Variants in PCDHGA11 observed in about 807,000 individuals in gnomAD.
PCDHGA11 encodes protocadherin gamma subfamily A, 11.
A neutral mutation model predicts 60.4 loss-of-function variants in PCDHGA11; 39 were observed. The observed-to-expected ratio is 0.65, with a 90% confidence interval of 0.50 to 0.84. The LOEUF (loss-of-function observed/expected upper bound fraction) is 0.84. PCDHGA11 is among the 40% of genes least tolerant of loss of function. The pLI is 0.00. For missense variants in PCDHGA11, 1,165 were observed against 1,197.7 expected, an observed-to-expected ratio of 0.97 and a Z score of 0.40; for synonymous variants, 533 against 510.3, an observed-to-expected ratio of 1.04 and a Z score of -0.60.
At chr5:141,458,081 G>A (rs765008628) in intron 1 of PCDHGA11, among the ~76,000 whole-genome samples, 62 of 152,186 alleles carry the variant, frequency 4.1e-4, no homozygotes, top group East Asian at 1.9e-4. Flanking sequence ...CTATATTGCC[G>A]TAAGTTAAGA....
rs2233607 is a variant in PCDHGA11 at position 141,490,647 on chromosome 5, G to A, written c.2434-4160G>A. The A allele has an allele frequency of 2.5e-3, 3,973 of 1,614,082 alleles. 41 individuals carry two copies. The African/African-American group carries it at 0.027, about 11-fold the overall frequency. ...CTTACATCCTAGAAAACCGGCCTCC[G>A]GGCTCCCTTCTTTGCACTGTGGCTG... is the stretch of plus-strand genomic sequence containing the variant. On this transcript the variant is annotated intron_variant, in intron 1 of 3. Transcript: ENST00000398587. The surrounding 1 kb of genome is among the most constrained non-coding windows in gnomAD (Gnocchi z 5.4).
intron 1 of PCDHGA11, chr5:141,424,789 A>T (rs538504226): frequency 2.0e-5 from 3 of 152,238 alleles, no homozygotes; most frequent in African/African-American, 7.2e-5. Flanking sequence ...CAGTTCTTTT[A>T]TTCAGACCAA....
chr5:141,451,676 G>C (rs1363843426), intron 1 of PCDHGA11, among the ~76,000 whole-genome samples: 1 of 152,142 alleles, frequency 6.6e-6, no homozygotes, highest in African/African-American at 2.4e-5. Context: ...GAGCCCAGGA[G>C]TTCAAGACCA....
In PCDHGA11 at chr5:141,491,552, G is replaced by A. The variant is rs769927075; in HGVS notation, c.2434-3255G>A. 1 of 1,614,008 alleles carries A rather than the reference G, an allele frequency of 6.2e-7. No individual in the cohort carries two copies. The highest frequency in any genetic ancestry group is 1.7e-5 in the Admixed American group (1 of 60,024). On this transcript the variant is annotated intron_variant, in intron 1 of 3. Coordinates refer to ENST00000398587, the MANE Select transcript of PCDHGA11 (RefSeq NM_018914.3). This position sits in a 1 kb window ranked among gnomAD's most constrained non-coding sequence, Gnocchi z 6.9. Reference sequence around the variant, plus strand: ...ACGCTGCGGCCCACAGACTCGCAGAGCCACTGCTACAGGACGTGCTTTTCA... The same window carrying A: ...ACGCTGCGGCCCACAGACTCGCAGAACCACTGCTACAGGACGTGCTTTTCA...
rs1000330093 is a variant in PCDHGA11 at position 141,511,812 on chromosome 5, C to T, written c.*639C>T. 2.5e-5 allele frequency: 4 copies of T among 157,260 alleles called. No individual in the cohort carries two copies. Among genetic ancestry groups the T allele is most frequent in the African/African-American group, 9.6e-5 (4 of 41,492 alleles). The allele number at this position is 157,260 out of a possible 1,614,324, so 9.7% of individuals were successfully genotyped here. The stretch of plus-strand genomic sequence containing the variant: ...TAGGGAGGGCATTTTGCTACCAAGC[C>T]TCTTCCCAACGCCCTGGGGACCAGT... On this transcript the variant is annotated 3_prime_UTR_variant, in exon 4 of 4. Transcript: ENST00000398587.
In PCDHGA11 at chr5:141,511,251, A is replaced by T. The variant is rs780892899; in HGVS notation, c.*78A>T. 2.0e-5 allele frequency: 32 copies of T among 1,571,672 alleles called. No homozygotes were observed. Among genetic ancestry groups the T allele is most frequent in the Non-Finnish European group, 2.6e-5 (30 of 1,158,828 alleles). ...TTCTCCTTACCTGCACCCAGGCCTC[A>T]GAGTTTCAGGGCTAACCCCCAGAAT... On this transcript the variant is annotated 3_prime_UTR_variant, in exon 4 of 4. Transcript: ENST00000398587.
Position 141,511,066 on chromosome 5 carries a change from C to T in PCDHGA11, c.2701C>T (p.Pro901Ser). Residue 901 changes from proline to serine, a missense_variant, in exon 4 of 4, where the codon CCA (proline) becomes TCA (serine). Physicochemically the swap from Pro to Ser is moderately conservative, Grantham distance 74. Transcript: ENST00000398587. The part of the protein sequence containing the change: ...VPDYRQNVYI[P>S]GSNATLTNAA... ...CGACTACCGCCAGAATGTCTACATC[C>T]CAGGCAGCAATGCCACACTGACCAA... 1.2e-6 allele frequency: 2 copies of T among 1,614,230 alleles called. No individual in the cohort carries two copies. Among genetic ancestry groups the T allele is most frequent in the Non-Finnish European group, 1.7e-6 (2 of 1,180,036 alleles).
At position 141,485,892 on chromosome 5, in the gene PCDHGA11, C is replaced by T; in HGVS notation, c.2434-8915C>T. On this transcript the variant is annotated intron_variant, in intron 1 of 3. Coordinates refer to ENST00000398587, the MANE Select transcript of PCDHGA11 (RefSeq NM_018914.3). The surrounding 1 kb of genome is among the most constrained non-coding windows in gnomAD (Gnocchi z 5.7). ...GTGCTGGACGTAAACGACAACGCCC[C>T]AGCCTTCCAGCAATCCAGCTACAGG... is the stretch of plus-strand genomic sequence containing the variant. 6.2e-7 allele frequency: 1 copy of T among 1,614,194 alleles called. No individual in the cohort carries two copies.
At chr5:141,503,089 G>C (rs1352372525) in intron 2 of PCDHGA11, among the ~76,000 whole-genome samples, 2 of 151,590 alleles carry the variant, frequency 1.3e-5, no homozygotes, top group Non-Finnish European at 2.9e-5. Context: ...TCCTGACCTC[G>C]TGGTCTGCCC....
chr5:141,459,028 C>T (rs373532898), intron 1 of PCDHGA11, among the ~76,000 whole-genome samples: 1 of 152,202 alleles, frequency 6.6e-6, no homozygotes, highest in Non-Finnish European at 1.5e-5. Context: ...CCACCACATC[C>T]AGCCTTACCA....
At chr5:141,433,207 TC>T (rs780557883) in intron 1 of PCDHGA11, 10 of 1,568,868 alleles carry the variant, frequency 6.4e-6, no homozygotes, top group African/African-American at 1.4e-5. Flanking sequence ...AAATCTTCTT[TC>T]TTTTTTTTTT....
chr5:141,435,934 T>A (rs1311888999), intron 1 of PCDHGA11, among the ~76,000 whole-genome samples: 2 of 152,160 alleles, frequency 1.3e-5, no homozygotes, highest in Non-Finnish European at 2.9e-5. Flanking sequence ...CAGTTGCTGC[T>A]TCTGAGACCA....
chr5:141,494,468 C>G (rs2099754577), intron 1 of PCDHGA11, among the ~76,000 whole-genome samples: 1 of 152,136 alleles, frequency 6.6e-6, no homozygotes, highest in East Asian at 1.9e-4. Context: ...TGCACCTCTT[C>G]CCCCAGTTCC....
intron 1 of PCDHGA11, among the ~76,000 whole-genome samples, chr5:141,449,134 T>C (rs538592980): frequency 9.2e-4 from 140 of 152,242 alleles, no homozygotes; most frequent in Non-Finnish European, 1.8e-3. Context: ...AGAAATGGAA[T>C]TGAAATTGCT....
rs1317717658 is a variant in PCDHGA11, at chr5:141,476,494, G to A, written c.2434-18313G>A. On this transcript the variant is annotated intron_variant, in intron 1 of 3. Coordinates refer to ENST00000398587, the MANE Select transcript of PCDHGA11 (RefSeq NM_018914.3). The surrounding 1 kb of genome is among the most constrained non-coding windows in gnomAD (Gnocchi z 7.6). ...TGTTCAGCGTGGAAGTGGTGATCCA[G>A]GACATCAACGACAACAATCCTGCTT... The A allele has an allele frequency of 6.2e-7, 1 of 1,614,012 alleles. No individual in the cohort carries two copies. The highest frequency in any genetic ancestry group is 8.5e-7 in the Non-Finnish European group (1 of 1,179,988).
chr5:141,432,797 T>C lies in PCDHGA11; in HGVS notation c.2433+9137T>C, dbSNP rs1591218426. On this transcript the variant is annotated intron_variant, in intron 1 of 3. Coordinates refer to ENST00000398587, the MANE Select transcript of PCDHGA11 (RefSeq NM_018914.3). The surrounding 1 kb of genome is among the most constrained non-coding windows in gnomAD (Gnocchi z 6.0). The stretch of plus-strand genomic sequence containing the variant: ...CCTGGCGGACCTCGGCAGCCTCGAG[T>C]CTCCAGCTAACTCTGAAACCTCAGA... 2.5e-6 allele frequency: 4 copies of C among 1,613,752 alleles called. No individual in the cohort carries two copies. The highest frequency in any genetic ancestry group is 2.7e-5 in the African/African-American group (2 of 74,816).
Position 141,491,262 on chromosome 5 carries a change from G to A in PCDHGA11, c.2434-3545G>A. ...TGGAGGATGAGGACCCTGAGGAAATGCCCAAATCCAGTGACTTCCTCATAC... is the reference window on the plus strand; with the variant it reads ...TGGAGGATGAGGACCCTGAGGAAATACCCAAATCCAGTGACTTCCTCATAC... On this transcript the variant is annotated intron_variant, in intron 1 of 3. Transcript: ENST00000398587. The surrounding 1 kb of genome is among the most constrained non-coding windows in gnomAD (Gnocchi z 6.9). 2 of 1,614,122 alleles carry A rather than the reference G, an allele frequency of 1.2e-6. No individual in the cohort carries two copies. Among genetic ancestry groups the A allele is most frequent in the Non-Finnish European group, 1.7e-6 (2 of 1,179,952 alleles).
At position 141,422,204 on chromosome 5, in the gene PCDHGA11, GAGGTCTCTTTACCA is replaced by G; in HGVS notation, c.978_991del (p.Gly327HisfsTer12). On this transcript the variant is annotated frameshift_variant, in exon 1 of 4. Coordinates refer to ENST00000398587, the MANE Select transcript of PCDHGA11 (RefSeq NM_018914.3). LOFTEE classifies it high-confidence loss of function. Reference sequence around the variant, plus strand: ...ATGGAAATTCAAGGCCAAGATGGTGGAGGTCTCTTTACCACCACGACGATGTTGATCACTGTTGT... The same window carrying G: ...ATGGAAATTCAAGGCCAAGATGGTGGCCACGACGATGTTGATCACTGTTGT... 6.4e-7 allele frequency: 1 copy of G among 1,562,138 alleles called. No individual in the cohort carries two copies.
At chr5:141,478,832 G>A in intron 1 of PCDHGA11, 1 of 1,435,464 alleles carries the variant, frequency 7.0e-7, no homozygotes, top group South Asian at 1.5e-5. Context: ...TCTTGCTAAG[G>A]GATGGTTAAG....
Sources: gnomAD v4.1 joint callset for allele counts (sites outside exome capture counted in the v4.1 genomes callset) on GRCh38, gnomAD v4.1.1 for gene constraint, Gnocchi (gnomAD v3.1) non-coding constraint, MANE v1.5 for transcripts, NCBI Gene and HGNC (gene_info 2026-07-23, HGNC 2026-07-21) for gene names.